Variants in GAA observed in about 807,000 individuals in gnomAD.
GAA encodes lysosomal alpha-glucosidase.
A neutral mutation model predicts 103.9 loss-of-function variants in GAA; 88 were observed. The ratio of observed to expected loss-of-function variants is 0.85; its 90% CI spans 0.71 to 1.01. The LOEUF (loss-of-function observed/expected upper bound fraction) is 1.01, where lower values mean the gene tolerates loss of function less well. Among genes scored for constraint, GAA ranks in the 50% least tolerant of loss-of-function variants. The pLI is 0.00. For missense variants in GAA, 1,350 were observed against 1,305.3 expected (o/e 1.03, Z -0.53); for synonymous variants, 572 against 563.1 (o/e 1.02, Z -0.22).
rs1598595918 is a variant in GAA at position 80,119,629 on chromosome 17, A to G, written c.*298A>G. On this transcript the variant is annotated 3_prime_UTR_variant, in exon 20 of 20. Transcript: ENST00000302262. ...CCTCACCTGTTGCCGGCATGCGGGTAGTATTAGCCACCCCCCTCCATCTGT... is the reference window on the plus strand; with the variant it reads ...CCTCACCTGTTGCCGGCATGCGGGTGGTATTAGCCACCCCCCTCCATCTGT... The G allele has an allele frequency of 2.4e-6, 1 of 408,316 alleles. No individual in the cohort carries two copies. The highest frequency in any genetic ancestry group is 5.4e-5 in the East Asian group (1 of 18,418). 25.3% of individuals were successfully genotyped at this position (408,316 alleles called of 1,614,324 possible). A position where few individuals can be genotyped will look rare whatever the true frequency, so the allele number is the denominator to read the frequency against.
rs765853344 is a variant in GAA at position 80,110,929 on chromosome 17, CT to C, written c.1552-10del. On this transcript the variant is annotated splice_polypyrimidine_tract_variant and intron_variant, in intron 10 of 19. Coordinates refer to ENST00000302262, the MANE Select transcript of GAA (RefSeq NM_000152.5). The stretch of plus-strand genomic sequence containing the variant: ...TGGGCAGAGTCACCTACCAGCAGCG[CT>C]TCTCTTGCAGGACATGAACGAGCCT... The C allele has an allele frequency of 1.3e-5, 21 of 1,613,946 alleles. No homozygotes were observed. Among genetic ancestry groups the C allele is most frequent in the Non-Finnish European group, 1.7e-5 (20 of 1,179,944 alleles).
At position 80,118,706 on chromosome 17, in the gene GAA, G is replaced by A. The variant is rs1490464728; in HGVS notation, c.2700G>A (p.Gln900=). ...TGACCAGTGAGGGAGCTGGCCTGCA[G>A]CTGCAGAAGGTGACTGTCCTGGGCG... ...VRVTSEGAGL[Q]LQKVTVLGVA... The change falls in exon 19 of 20, where the codon CAG becomes CAA. Residue 900 remains glutamine, a synonymous_variant. Transcript: ENST00000302262. 3.7e-6 allele frequency: 6 copies of A among 1,613,216 alleles called. No homozygotes were observed. The South Asian group carries it at 6.6e-5, about 18-fold the overall frequency.
At position 80,112,581 on chromosome 17, in the gene GAA, G is replaced by C; in HGVS notation, c.1758G>C (p.Ala586=). ...ACGGTGTCCCCCACCACCCCAGGGC[G>C]CTGGTGAAGGCTCGGGGGACACGCC... ...GLTEAIASHR[A]LVKARGTRPF... Residue 586 remains alanine, a synonymous_variant, in exon 13 of 20, where the codon GCG becomes GCC. Transcript: ENST00000302262. 6.2e-7 allele frequency: 1 copy of C among 1,613,026 alleles called. No individual in the cohort carries two copies. Among genetic ancestry groups the C allele is most frequent in the Non-Finnish European group, 8.5e-7 (1 of 1,179,972 alleles).
rs140514855 is a variant in GAA at position 80,103,699 on chromosome 17, T to TA, written c.-32-855dup. Among the ~76,000 whole-genome samples, 768 of 152,288 alleles carry TA rather than the reference T, an allele frequency of 5.0e-3. 10 individuals are homozygous for TA. Among genetic ancestry groups the TA allele is most frequent in the African/African-American group, 0.017 (725 of 41,538 alleles). ...CCGAGGCTCCAGGTGCAGCCACTGT[T>TA]ACAGAGACTGTGTTTCTTCCCCATG... On this transcript the variant is annotated intron_variant, in intron 1 of 19. Transcript: ENST00000302262.
intron 3 of GAA, among the ~76,000 whole-genome samples, chr17:80,106,974 G>A (rs1418681968): frequency 6.6e-6 from 1 of 152,158 alleles, no homozygotes; most frequent in Non-Finnish European, 1.5e-5. Context: ...ACTCAGCGTA[G>A]TCTTGCCCAG....
intron 11 of GAA, chr17:80,111,615 T>C (rs2039238980): frequency 2.9e-6 from 1 of 341,300 alleles, no homozygotes; most frequent in Non-Finnish European, 5.6e-6. Context: ...GGGAGAAGGT[T>C]TGGGGGCCTG....
At chr17:80,112,274 C>T (rs1450350544) in intron 12 of GAA, 174 bp downstream of exon 12, 5 of 696,402 alleles carry the variant, frequency 7.2e-6, no homozygotes, top group African/African-American at 1.8e-5. Flanking sequence ...GAAGCTGGAG[C>T]GCTCCTTCCC....
At chr17:80,116,385 A>G (rs764370492) in intron 15 of GAA, among the ~76,000 whole-genome samples, 42 of 152,338 alleles carry the variant, frequency 2.8e-4, no homozygotes, top group Middle Eastern at 3.4e-3. Flanking sequence ...CGCTCCATGA[A>G]TGTATCCATG....
rs2039075162 is a variant in GAA at position 80,105,903 on chromosome 17, TG to T, written c.692+12del. ...CTGGACGGCCGCGTGCTGTGAGTTC[TG>T]GGCTCTGTGCCAGCATGATGGGGAG... On this transcript the variant is annotated intron_variant, in intron 3 of 19. Transcript: ENST00000302262. 1.3e-6 allele frequency: 2 copies of T among 1,589,278 alleles called. No homozygotes were observed. The highest frequency in any genetic ancestry group is 1.7e-6 in the Non-Finnish European group (2 of 1,171,126).
chr17:80,105,201 C>G (rs2143830478), intron 2 of GAA, 69 bp downstream of exon 2: 3 of 1,433,620 alleles, frequency 2.1e-6, no homozygotes, highest in Middle Eastern at 2.4e-4. Context: ...ACCCACGCAC[C>G]TCACAAGGGT....
At chr17:80,118,169 C>T (rs2039400756) in intron 17 of GAA, 24 bp from the exon 18 acceptor site, 16 of 1,612,278 alleles carry the variant, frequency 9.9e-6, no homozygotes, top group Non-Finnish European at 1.3e-5. Flanking sequence ...GGGATGATGA[C>T]ATCACGTGTC....
rs1003384850 is a variant in GAA at position 80,111,042 on chromosome 17, C to T, written c.1636+17C>T. 3.7e-6 allele frequency: 6 copies of T among 1,610,784 alleles called. No individual in the cohort carries two copies. Among genetic ancestry groups the T allele is most frequent in the Non-Finnish European group, 4.2e-6 (5 of 1,177,718 alleles). ...ACGTGCCTGGTCAGCTCGCCCCCCACCTACCCTGGGGACTTAATCAAATCA... is the reference window on the plus strand; with the variant it reads ...ACGTGCCTGGTCAGCTCGCCCCCCATCTACCCTGGGGACTTAATCAAATCA... On this transcript the variant is annotated intron_variant, in intron 11 of 19. Transcript: ENST00000302262.
At position 80,117,625 on chromosome 17, in the gene GAA, TC is replaced by T. The variant is rs773507183; in HGVS notation, c.2360del (p.Pro787HisfsTer19). 6.2e-7 allele frequency: 1 copy of T among 1,612,596 alleles called. No homozygotes were observed. On this transcript the variant is annotated frameshift_variant, in exon 17 of 20. Coordinates refer to ENST00000302262, the MANE Select transcript of GAA (RefSeq NM_000152.5). LOFTEE classifies it high-confidence loss of function. ...GTGCCAGTAGAGGCCCTTGGCAGCC[TC>T]CCACCCCCACCTGCAGCTCCCCGTG... The part of the protein sequence containing the change: ...QTVPVEALGS[L>X]PPPPAAPREP...
chr17:80,111,632 T>C (rs2039239359), intron 11 of GAA: 7 of 365,712 alleles, frequency 1.9e-5, no homozygotes, highest in Middle Eastern at 1.8e-3. Context: ...CCTGAGGCTA[T>C]AGTTTGGCCC....
rs776111131 is a variant in GAA at position 80,117,636 on chromosome 17, C to T, written c.2368C>T (p.Pro790Ser). 28 of 1,612,884 alleles carry T rather than the reference C, an allele frequency of 1.7e-5. No individual in the cohort carries two copies. Among genetic ancestry groups the T allele is most frequent in the Non-Finnish European group, 2.4e-5 (28 of 1,179,954 alleles). Reference sequence around the variant, plus strand: ...GGCCCTTGGCAGCCTCCCACCCCCACCTGCAGCTCCCCGTGAGCCAGCCAT... The same window carrying T: ...GGCCCTTGGCAGCCTCCCACCCCCATCTGCAGCTCCCCGTGAGCCAGCCAT... ...VEALGSLPPP[P>S]AAPREPAIHS... The change falls in exon 17 of 20, where the codon CCT (proline) becomes TCT (serine). Residue 790 changes from proline to serine, a missense_variant. Coordinates refer to ENST00000302262, the MANE Select transcript of GAA (RefSeq NM_000152.5).
intron 15 of GAA, among the ~76,000 whole-genome samples, chr17:80,116,612 C>T (rs2039357690): frequency 6.6e-6 from 1 of 152,198 alleles, no homozygotes; most frequent in Non-Finnish European, 1.5e-5. Context: ...GATACTTTTT[C>T]GTACTTTCCA....
intron 5 of GAA, 88 bp downstream of exon 5, chr17:80,107,984 G>A: frequency 2.3e-6 from 3 of 1,280,308 alleles, no homozygotes; most frequent in Non-Finnish European, 3.3e-6. Context: ...GGGGCCCTGG[G>A]CACGGTGCTG....
intron 15 of GAA, 124 bp from the exon 16 acceptor site, chr17:80,116,844 C>A: frequency 9.2e-7 from 1 of 1,089,682 alleles, no homozygotes; most frequent in Non-Finnish European, 1.4e-6. Flanking sequence ...TCCTCCAAGT[C>A]CTCCGGCACC....
chr17:80,117,156 G>C (rs750501773), intron 16 of GAA, 47 bp downstream of exon 16: 6 of 1,596,952 alleles, frequency 3.8e-6, no homozygotes, highest in Non-Finnish European at 5.1e-6. Context: ...GACCAGAGCA[G>C]CCCTCCCACC....
Sources: allele counts gnomAD v4.1 joint callset (sites outside exome capture counted in the v4.1 genomes callset), GRCh38; gene constraint gnomAD v4.1.1; transcripts MANE v1.5; gene names NCBI Gene and HGNC (gene_info 2026-07-23, HGNC 2026-07-21).